BRWD1: variants seen among roughly 807,000 people sequenced by gnomAD.
BRWD1 encodes the protein bromodomain and WD repeat domain containing 1, also known as bromodomain and WD repeat-containing protein 1.
Under a neutral mutation model 251.2 loss-of-function variants are expected in BRWD1, and 82 were observed. The observed-to-expected ratio is 0.33, with a 90% confidence interval of 0.27 to 0.39. The LOEUF is 0.39. BRWD1 is among the 10% of genes least tolerant of loss of function. The pLI is 1.00. For missense variants in BRWD1, 2,233 were observed against 2,711.6 expected, an observed-to-expected ratio of 0.82 and a Z score of 3.92; for synonymous variants, 918 against 902.8, an observed-to-expected ratio of 1.02 and a Z score of -0.30.
intron 21 of BRWD1, among the ~76,000 whole-genome samples, chr21:39,241,680 A>G (rs1241390061): frequency 6.6e-6 from 1 of 152,074 alleles, no homozygotes; most frequent in Non-Finnish European, 1.5e-5. Context: ...ACACAGGCAT[A>G]CTTTTTATCG....
At position 39,218,526 on chromosome 21, in the gene BRWD1, T is replaced by C. The variant is rs1197833577; in HGVS notation, c.3517A>G (p.Ile1173Val). 6.2e-7 allele frequency: 1 copy of C among 1,603,896 alleles called. No homozygotes were observed. The highest frequency in any genetic ancestry group is 8.5e-7 in the Non-Finnish European group (1 of 1,177,690). ...DEECDRIISG[I>V]DQLLNLDIAA... Reference sequence around the variant, plus strand: ...TTACCAAGATTCAAAAGTTGATCTATACCACTGATAATTCTATCACATTCT... The same window carrying C: ...TTACCAAGATTCAAAAGTTGATCTACACCACTGATAATTCTATCACATTCT... The change falls in exon 30 of 41, where the codon ATA becomes GTA. Residue 1173 changes from isoleucine to valine, a missense_variant. Physicochemically the swap from Ile to Val is conservative, Grantham distance 29. Transcript: ENST00000342449.
At chr21:39,290,899 AG>A (rs1400915469) in intron 8 of BRWD1, among the ~76,000 whole-genome samples, 1 of 152,130 alleles carries the variant, frequency 6.6e-6, no homozygotes, top group East Asian at 1.9e-4. Context: ...TGGGAGGTGG[AG>A]GAAGAAGGAC....
intron 31 of BRWD1, chr21:39,217,030 T>TAAAA (rs1568877569): frequency 2.5e-4 from 5 of 19,974 alleles, no homozygotes; most frequent in Non-Finnish European, 5.1e-4. Context: ...TATATATATA[T>TAAAA]ATATAAATAT....
At chr21:39,304,141 C>CAAAAAAAAA (rs56990201) in intron 4 of BRWD1, among the ~76,000 whole-genome samples, 1 of 118,408 alleles carries the variant, frequency 8.4e-6, no homozygotes. Flanking sequence ...AACTCTTTCT[C>CAAAAAAAAA]AAAAAAAAAA....
At chr21:39,315,103 T>C (rs546556935), upstream of BRWD1, 1 of 152,192 alleles carries the variant, frequency 6.6e-6, no homozygotes, top group South Asian at 2.1e-4. Flanking sequence ...TTCCAGCGAT[T>C]CTTGTGCCTC....
At chr21:39,281,316 A>C (rs1241376040) in intron 8 of BRWD1, among the ~76,000 whole-genome samples, 1 of 152,220 alleles carries the variant, frequency 6.6e-6, no homozygotes, top group Admixed American at 6.5e-5. Flanking sequence ...CAGTTAATCT[A>C]AGAAGCAAGA....
intron 15 of BRWD1, among the ~76,000 whole-genome samples, chr21:39,268,777 G>C (rs1374787025): frequency 6.6e-6 from 1 of 152,138 alleles, no homozygotes. Flanking sequence ...ATGAGGTCAA[G>C]AGATGGAGAC....
intron 8 of BRWD1, among the ~76,000 whole-genome samples, chr21:39,280,886 G>A (rs1034104778): frequency 1.3e-5 from 2 of 152,078 alleles, no homozygotes; most frequent in Non-Finnish European, 2.9e-5. Context: ...ATACTGCAGC[G>A]CAACTTCAGA....
At chr21:39,184,189 A>C (rs920645516), downstream of BRWD1, 2 of 152,316 alleles carry the variant, frequency 1.3e-5, no homozygotes, top group East Asian at 1.9e-4. Flanking sequence ...TGGTATAAAA[A>C]CGAGACCTTT....
chr21:39,193,968 T>C lies in BRWD1; in HGVS notation c.*2291A>G. 1.0e-6 allele frequency: 1 copy of C among 985,632 alleles called. No individual in the cohort carries two copies. The highest frequency in any genetic ancestry group is 1.2e-6 in the Non-Finnish European group (1 of 829,756). 61.1% of individuals were successfully genotyped at this position (985,632 alleles called of 1,614,324 possible). A position where few individuals can be genotyped will look rare whatever the true frequency, so the allele number is the denominator to read the frequency against. On this transcript the variant is annotated 3_prime_UTR_variant, in exon 41 of 41. Coordinates refer to ENST00000342449, the MANE Select transcript of BRWD1 (RefSeq NM_033656.4). ...TTATTTTCTCCATTATCTCTCAGTT[T>C]TATTTCATAACTTGAGAAGCTACCA...
intron 33 of BRWD1, 118 bp downstream of exon 33, chr21:39,213,363 G>A (rs2032746884): frequency 1.2e-6 from 1 of 807,122 alleles, no homozygotes; most frequent in Admixed American, 2.6e-5. Context: ...TTTATCAAAT[G>A]CCCTATTTGT....
intron 29 of BRWD1, among the ~76,000 whole-genome samples, chr21:39,219,133 AAGG>A (rs1264239663): frequency 7.2e-5 from 11 of 152,168 alleles, no homozygotes; most frequent in African/African-American, 2.2e-4. Flanking sequence ...TTGAAAAAAT[AAGG>A]AGAAGCAGGC....
At chr21:39,225,529 A>C (rs2033347390) in intron 27 of BRWD1, among the ~76,000 whole-genome samples, 1 of 152,182 alleles carries the variant, frequency 6.6e-6, no homozygotes, top group Admixed American at 6.5e-5. Context: ...TTTACAAAAC[A>C]AAACCAATGA....
chr21:39,307,494 T>C (rs533218208), intron 4 of BRWD1, among the ~76,000 whole-genome samples: 3 of 152,192 alleles, frequency 2.0e-5, no homozygotes, highest in Non-Finnish European at 4.4e-5. Context: ...ATTATATGTA[T>C]ATATACTTGT....
chr21:39,193,985 A>G lies in BRWD1; in HGVS notation c.*2274T>C. The G allele has an allele frequency of 1.0e-6, 1 of 985,614 alleles. No homozygotes were observed. Among genetic ancestry groups the G allele is most frequent in the Non-Finnish European group, 1.2e-6 (1 of 829,738 alleles). 61.1% of individuals were successfully genotyped at this position (985,614 alleles called of 1,614,324 possible). On this transcript the variant is annotated 3_prime_UTR_variant, in exon 41 of 41. Coordinates refer to ENST00000342449, the MANE Select transcript of BRWD1 (RefSeq NM_033656.4). ...TCTCAGTTTTATTTCATAACTTGAG[A>G]AGCTACCATTGTCGGCTATGCTTTT...
chr21:39,293,158 T>C (rs2035863648), intron 8 of BRWD1, among the ~76,000 whole-genome samples: 1 of 152,178 alleles, frequency 6.6e-6, no homozygotes, highest in African/African-American at 2.4e-5. Context: ...AGGTTCAAAA[T>C]TATCCTCTGC....
At chr21:39,267,590 C>T (rs924010301) in intron 15 of BRWD1, among the ~76,000 whole-genome samples, 1 of 152,020 alleles carries the variant, frequency 6.6e-6, no homozygotes. Context: ...CAGAGAGAGA[C>T]TCTGTCTCAA....
At chr21:39,314,641 T>A (rs1421289777), upstream of BRWD1, 1 of 332,042 alleles carries the variant, frequency 3.0e-6, no homozygotes, top group Admixed American at 4.1e-5. Flanking sequence ...TGCCCTGCTC[T>A]GGCCCCTAAA....
At chr21:39,282,877 T>C (rs576523413) in intron 8 of BRWD1, among the ~76,000 whole-genome samples, 1 of 150,496 alleles carries the variant, frequency 6.6e-6, no homozygotes, top group South Asian at 2.1e-4. Context: ...GAGAATCGCT[T>C]GAACCTGGAA....
Sources: allele counts gnomAD v4.1 joint callset (sites outside exome capture counted in the v4.1 genomes callset), GRCh38; gene constraint gnomAD v4.1.1; transcripts MANE v1.5; gene names NCBI Gene and HGNC (gene_info 2026-07-23, HGNC 2026-07-21).